CAPN15: variants seen among roughly 807,000 people sequenced by gnomAD.
The protein encoded by CAPN15 is calpain-15.
A neutral mutation model predicts 97.9 loss-of-function variants in CAPN15; 53 were observed. That is an observed-to-expected ratio of 0.54 (90% confidence interval 0.43 to 0.68). CAPN15 has a LOEUF of 0.68. CAPN15 is among the 30% of genes least tolerant of loss of function. CAPN15 has a pLI of 0.00. For synonymous variants in CAPN15, 922 were observed against 722.5 expected (o/e 1.28, Z -4.43); for missense variants, 1,592 against 1,589.8 (o/e 1.00, Z -0.02).
rs955035574 is a variant in CAPN15 at position 529,175 on chromosome 16, C to T, written c.-190+1146C>T. 3.3e-5 allele frequency among the ~76,000 whole-genome samples: 5 copies of T among 152,152 alleles called. No homozygotes were observed. In the East Asian group the frequency reaches 7.7e-4, roughly 24 times the overall value. On this transcript the variant is annotated intron_variant, in intron 1 of 13. Coordinates refer to ENST00000219611, the MANE Select transcript of CAPN15 (RefSeq NM_005632.3). ...TGCTTCTGTCTGTGTCTGAGGCTCT[C>T]CAGAGCTCCTTGATTGGCAGAGGAG...
chr16:550,752 C>A (rs372065161), intron 7 of CAPN15, among the ~76,000 whole-genome samples: 1 of 120,392 alleles, frequency 8.3e-6, no homozygotes, highest in Non-Finnish European at 1.7e-5. Flanking sequence ...GGGTCCCGGT[C>A]GGTGAGGGTC....
In CAPN15 at chr16:552,418, G is replaced by A. The variant is rs373834069; in HGVS notation, c.2625G>A (p.Ala875=). Residue 875 remains alanine (A), a synonymous_variant, in exon 11 of 14, where the codon GCG becomes GCA. Coordinates refer to ENST00000219611, the MANE Select transcript of CAPN15 (RefSeq NM_005632.3). The surrounding 1 kb of genome is among the most constrained non-coding windows in gnomAD (Gnocchi z 6.4). ...LGRLLAHSKR[A]VKKFVSCDVM... Reference sequence around the variant, plus strand: ...GCCTCCTGGCCCACAGTAAGCGCGCGGTCAAGAAGTTCGTCAGCTGCGACG... The same window carrying A: ...GCCTCCTGGCCCACAGTAAGCGCGCAGTCAAGAAGTTCGTCAGCTGCGACG... 475 of 1,609,708 alleles carry A rather than the reference G, an allele frequency of 3.0e-4. No individual in the cohort carries two copies. The highest frequency in any genetic ancestry group is 3.6e-4 in the Non-Finnish European group (422 of 1,179,578).
chr16:548,989 G>C lies in CAPN15; in HGVS notation c.1450-4G>C, dbSNP rs145573740. On this transcript the variant is annotated splice_polypyrimidine_tract_variant and splice_region_variant and intron_variant, in intron 4 of 13. Coordinates refer to ENST00000219611, the MANE Select transcript of CAPN15 (RefSeq NM_005632.3). ...GCCTGAGCACATGGCCGTGGTCTCT[G>C]CAGAACAATGTGAGCTTCGTGGATG... is the stretch of plus-strand genomic sequence containing the variant. 1 of 1,612,492 alleles carries C rather than the reference G, an allele frequency of 6.2e-7. No individual in the cohort carries two copies. Among genetic ancestry groups the C allele is most frequent in the African/African-American group, 1.3e-5 (1 of 74,938 alleles).
rs114968042 is a variant in CAPN15, at chr16:546,219, T to G, written c.-22-598T>G. On this transcript the variant is annotated intron_variant, in intron 3 of 13. Coordinates refer to ENST00000219611, the MANE Select transcript of CAPN15 (RefSeq NM_005632.3). ...CGCGGAGACTTTTTGTTTTTGTGCT[T>G]CTTATGAAGAGGCAGGTTTTCTTTC... 6.0e-3 allele frequency among the ~76,000 whole-genome samples: 907 copies of G among 152,364 alleles called. 8 individuals carry two copies. Among genetic ancestry groups the G allele is most frequent in the African/African-American group, 0.021 (865 of 41,588 alleles).
In CAPN15 at chr16:552,677, C is replaced by A; in HGVS notation, c.2810C>A (p.Ser937Ter). 1 of 1,543,944 alleles carries A rather than the reference C, an allele frequency of 6.5e-7. No homozygotes were observed. ...GGCCACGTGCTGGCTGTGTACAGCT[C>A]GAGGCTGGTCATGGTGGAGCCCGTG... ...PPGHVLAVYS[S>*]RLVMVEPVEA... The change falls in exon 12 of 14, where the codon TCG (serine) becomes TAG (stop). Residue 937 changes from serine (S) to a stop codon, truncating the protein, a stop_gained. Coordinates refer to ENST00000219611, the MANE Select transcript of CAPN15 (RefSeq NM_005632.3). LOFTEE classifies it high-confidence loss of function. This position sits in a 1 kb window ranked among gnomAD's most constrained non-coding sequence, Gnocchi z 6.4.
At chr16:546,453 C>T (rs2034591550) in intron 3 of CAPN15, among the ~76,000 whole-genome samples, 1 of 151,942 alleles carries the variant, frequency 6.6e-6, no homozygotes. Flanking sequence ...TTCTTCCACG[C>T]CCAGGACGAC....
chr16:532,554 C>CA (rs530000758), intron 1 of CAPN15, among the ~76,000 whole-genome samples: 12,037 of 83,370 alleles, frequency 0.14, 546 homozygotes, highest in Middle Eastern at 0.26. Flanking sequence ...TACCCTGTCT[C>CA]AAAAAAAAAA....
Position 553,786 on chromosome 16 carries a change from C to T in CAPN15, c.*270C>T. 2.7e-6 allele frequency: 1 copy of T among 375,446 alleles called. No homozygotes were observed. Among genetic ancestry groups the T allele is most frequent in the Non-Finnish European group, 4.8e-6 (1 of 208,426 alleles). The allele number at this position is 375,446 out of a possible 1,614,324, so 23.3% of individuals were successfully genotyped here. A position where few individuals can be genotyped will look rare whatever the true frequency, so the allele number is the denominator to read the frequency against. On this transcript the variant is annotated 3_prime_UTR_variant, in exon 14 of 14. Coordinates refer to ENST00000219611, the MANE Select transcript of CAPN15 (RefSeq NM_005632.3). The stretch of plus-strand genomic sequence containing the variant: ...AACCAGCCCCGCTCACCTGCCAGCC[C>T]CAACACCCGACGGGGGCCGAGGCCA...
At chr16:542,829 A>G (rs58176972) in intron 3 of CAPN15, among the ~76,000 whole-genome samples, 3,829 of 152,190 alleles carry the variant, frequency 0.025, 149 homozygotes, top group African/African-American at 0.083. Flanking sequence ...CGAGGCGGGT[A>G]GATCACCTGA....
At chr16:531,433 A>C (rs1247701794) in intron 1 of CAPN15, among the ~76,000 whole-genome samples, 24 of 130,070 alleles carry the variant, frequency 1.8e-4, no homozygotes, top group Admixed American at 5.7e-4. Context: ...CCTGATCCCC[A>C]CTCCCTACCC....
At chr16:543,006 G>T (rs139191100) in intron 3 of CAPN15, among the ~76,000 whole-genome samples, 37 of 150,952 alleles carry the variant, frequency 2.5e-4, no homozygotes, top group Non-Finnish European at 5.3e-4. Flanking sequence ...AGCCAAGATT[G>T]CACCACTGCA....
chr16:546,899 C>G lies in CAPN15; in HGVS notation c.61C>G (p.Arg21Gly), dbSNP rs368483715. 1 of 1,611,486 alleles carries G rather than the reference C, an allele frequency of 6.2e-7. No individual in the cohort carries two copies. ...CACCTTCCTGAACCCGGCCGGCCAGCGCCAGTGCTCCATCTGCGAGGCTCC... is the reference window on the plus strand; with the variant it reads ...CACCTTCCTGAACCCGGCCGGCCAGGGCCAGTGCTCCATCTGCGAGGCTCC... ...RCTFLNPAGQ[R>G]QCSICEAPRH... The change falls in exon 4 of 14, where the codon CGC becomes GGC. Residue 21 changes from arginine to glycine, a missense_variant. By Grantham distance (125) the Arg-to-Gly change is moderately radical. Coordinates refer to ENST00000219611, the MANE Select transcript of CAPN15 (RefSeq NM_005632.3).
At chr16:534,636 C>T (rs1171851501) in intron 2 of CAPN15, among the ~76,000 whole-genome samples, 1 of 152,198 alleles carries the variant, frequency 6.6e-6, no homozygotes, top group Non-Finnish European at 1.5e-5. Context: ...AGGTTGTGGG[C>T]ACCGACTGAG....
At position 554,356 on chromosome 16, in the gene CAPN15, C is replaced by T. The variant is rs903812081; in HGVS notation, c.*840C>T. ...CTGAGCCCAGCTTTCTGCGTGCCCT[C>T]CTGGCCCCTCACTCCCGGCAGCGGG... On this transcript the variant is annotated 3_prime_UTR_variant, in exon 14 of 14. Transcript: ENST00000219611. The T allele has an allele frequency of 2.6e-6, 1 of 385,684 alleles. No individual in the cohort carries two copies. Among genetic ancestry groups the T allele is most frequent in the Non-Finnish European group, 5.1e-6 (1 of 194,550 alleles). 23.9% of individuals were successfully genotyped at this position (385,684 alleles called of 1,614,324 possible). A position where few individuals can be genotyped will look rare whatever the true frequency, so the allele number is the denominator to read the frequency against.
Position 549,489 on chromosome 16 carries a change from G to A in CAPN15, c.1842+18G>A. ...TCTCACAGGTGGGGCGGCCTGCAGG[G>A]TGGGCACGGGCGGCAGGGGCAGCCT... On this transcript the variant is annotated intron_variant, in intron 6 of 13. Coordinates refer to ENST00000219611, the MANE Select transcript of CAPN15 (RefSeq NM_005632.3). The A allele has an allele frequency of 4.5e-6, 7 of 1,572,620 alleles. No homozygotes were observed. Among genetic ancestry groups the A allele is most frequent in the Non-Finnish European group, 5.1e-6 (6 of 1,165,522 alleles).
At chr16:543,040 G>T (rs997802597) in intron 3 of CAPN15, among the ~76,000 whole-genome samples, 1 of 152,012 alleles carries the variant, frequency 6.6e-6, no homozygotes, top group East Asian at 1.9e-4. Context: ...GACAGAGTGA[G>T]ACTCTGTCTC....
chr16:553,436 G>T lies in CAPN15; in HGVS notation c.3181G>T (p.Asp1061Tyr), dbSNP rs1567163108. ...CAAGGCAGCCCAGGCCTTCCTCAGT[G>T]ACTGGACAGCCTCCAAGGGGACCCA... The part of the protein sequence containing the change: ...HRKAAQAFLS[D>Y]WTASKGTHSP... Residue 1061 changes from aspartate (D) to tyrosine (Y), a missense_variant, in exon 14 of 14, where the codon GAC becomes TAC. By Grantham distance (160) the Asp-to-Tyr change is radical. Around this residue, in one of 3 missense-constraint regions of CAPN15, gnomAD observed 644 missense variants for 699.6 expected, o/e 0.92. Coordinates refer to ENST00000219611, the MANE Select transcript of CAPN15 (RefSeq NM_005632.3). The T allele has an allele frequency of 6.2e-7, 1 of 1,611,392 alleles. No individual in the cohort carries two copies. Among genetic ancestry groups the T allele is most frequent in the Admixed American group, 1.7e-5 (1 of 59,942 alleles).
chr16:549,387 G>T lies in CAPN15; in HGVS notation c.1758G>T (p.Arg586=). ...GTGCAGAGGGCGCCTACCAGGTGCG[G>T]CTGTGCAAGGACGGCACGTGGACCA... ...SLCAEGAYQV[R]LCKDGTWTTV... is the part of the protein sequence containing the mutation. The change falls in exon 6 of 14, where the codon CGG becomes CGT. Residue 586 remains arginine, a synonymous_variant. Transcript: ENST00000219611. 4 of 1,599,146 alleles carry T rather than the reference G, an allele frequency of 2.5e-6. No homozygotes were observed. The Admixed American group carries it at 5.0e-5, about 20-fold the overall frequency.
At position 538,649 on chromosome 16, in the gene CAPN15, C is replaced by T. The variant is rs1362664323; in HGVS notation, c.-23+2507C>T. 7 of 152,308 alleles carry T rather than the reference C, an allele frequency of 4.6e-5. No homozygotes were observed. In the East Asian group the frequency reaches 9.7e-4, roughly 21 times the overall value. 9.4% of individuals were successfully genotyped at this position (152,308 alleles called of 1,614,324 possible). ...GAATTCTCTGTCTCACCCCCTCAGCCCCTGCCCTTGAAGCTTCTGTCCCCA... is the reference window on the plus strand; with the variant it reads ...GAATTCTCTGTCTCACCCCCTCAGCTCCTGCCCTTGAAGCTTCTGTCCCCA... On this transcript the variant is annotated intron_variant, in intron 3 of 13. Coordinates refer to ENST00000219611, the MANE Select transcript of CAPN15 (RefSeq NM_005632.3).
Sources: gnomAD v4.1 joint callset for allele counts (sites outside exome capture counted in the v4.1 genomes callset) on GRCh38, gnomAD v4.1.1 for gene constraint, gnomAD v4.1.1 regional missense constraint, Gnocchi (gnomAD v3.1) non-coding constraint, MANE v1.5 for transcripts, NCBI Gene and HGNC (gene_info 2026-07-23, HGNC 2026-07-21) for gene names.